Variants in MPP7 observed in about 807,000 individuals in gnomAD.
MPP7 encodes MAGUK p55 scaffold protein 7.
MPP7 carries 60 observed loss-of-function variants against 76.5 expected under a neutral mutation model. That is an observed-to-expected ratio of 0.78 (90% CI 0.64 to 0.97). The LOEUF is 0.97. Among genes scored for constraint, MPP7 ranks in the 50% least tolerant of loss-of-function variants. The probability of loss-of-function intolerance (pLI) is 0.00; values close to 1 mark genes in which losing one functional copy is unlikely to be tolerated. For missense variants in MPP7, 641 were observed against 694.0 expected (o/e 0.92, Z 0.86); for synonymous variants, 237 against 244.5 (o/e 0.97, Z 0.29).
At chr10:28,209,332 T>G (rs1016852004) in intron 2 of MPP7, among the ~76,000 whole-genome samples, 11 of 152,122 alleles carry the variant, frequency 7.2e-5, no homozygotes, top group African/African-American at 2.6e-4. Context: ...CTGAGCATAG[T>G]GGTGTGCACC....
At chr10:28,204,229 G>A (rs996422771) in intron 2 of MPP7, among the ~76,000 whole-genome samples, 1 of 152,056 alleles carries the variant, frequency 6.6e-6, no homozygotes, top group Non-Finnish European at 1.5e-5. Context: ...GATCACTTAA[G>A]GTCAGAAGTT....
rs1382099367 is a variant in MPP7, at chr10:28,053,790, G to T, written c.*275C>A. 2 of 377,594 alleles carry T rather than the reference G, an allele frequency of 5.3e-6. No individual in the cohort carries two copies. Among genetic ancestry groups the T allele is most frequent in the African/African-American group, 4.3e-5 (2 of 46,890 alleles). 23.4% of individuals were successfully genotyped at this position (377,594 alleles called of 1,614,324 possible). On this transcript the variant is annotated 3_prime_UTR_variant, in exon 17 of 17. Coordinates refer to ENST00000683449, the MANE Select transcript of MPP7 (RefSeq NM_001318170.2). ...TAGCTAAGTCTCTCTGAAAATTTCA[G>T]CCTCATCTTGGAGATAGAGCGGTAT... is the stretch of plus-strand genomic sequence containing the variant.
intron 1 of MPP7, among the ~76,000 whole-genome samples, chr10:28,248,193 A>G (rs945528192): frequency 1.6e-4 from 24 of 152,134 alleles, no homozygotes; most frequent in African/African-American, 4.6e-4. Flanking sequence ...AAACTCTCTT[A>G]GACTAACACA....
chr10:28,173,769 T>C (rs937670618), intron 3 of MPP7, among the ~76,000 whole-genome samples: 6 of 152,170 alleles, frequency 3.9e-5, no homozygotes, highest in Admixed American at 3.3e-4. Context: ...GCAAGATCTA[T>C]AAGAGAAAAT....
At position 28,052,675 on chromosome 10, in the gene MPP7, TA is replaced by T. The variant is rs573361180; in HGVS notation, c.*1389del. On this transcript the variant is annotated 3_prime_UTR_variant, in exon 17 of 17. Transcript: ENST00000683449. Reference sequence around the variant, plus strand: ...TTTATGAATAGCCCCGTTTGATATTTAAAAAAATATGCCTTTAAAATATTTC... The same window carrying T: ...TTTATGAATAGCCCCGTTTGATATTTAAAAAATATGCCTTTAAAATATTTC... 3.8e-3 allele frequency: 576 copies of T among 152,610 alleles called. 1 individual carries two copies. The highest frequency in any genetic ancestry group is 0.02 in the Middle Eastern group (6 of 294). The allele number at this position is 152,610 out of a possible 1,614,324, so 9.5% of individuals were successfully genotyped here.
intron 3 of MPP7, among the ~76,000 whole-genome samples, chr10:28,160,389 C>T (rs984514657): frequency 6.6e-6 from 1 of 152,170 alleles, no homozygotes; most frequent in East Asian, 1.9e-4. Context: ...TGGTGAAGAA[C>T]ATGACAACTC....
rs557561217 is a variant in MPP7 at position 28,229,615 on chromosome 10, C to T, written c.37+8953G>A. 1.9e-4 allele frequency among the ~76,000 whole-genome samples: 29 copies of T among 152,216 alleles called. No homozygotes were observed. The South Asian group carries it at 6.0e-3, about 32-fold the overall frequency. On this transcript the variant is annotated intron_variant, in intron 2 of 16. Coordinates refer to ENST00000683449, the MANE Select transcript of MPP7 (RefSeq NM_001318170.2). ...TATAAAACTGTGACAATGGGCCAGG[C>T]ACGGTGGCTCATGCCTGTAATCCCA...
intron 1 of MPP7, among the ~76,000 whole-genome samples, chr10:28,242,948 A>C (rs748012488): frequency 6.6e-6 from 1 of 152,190 alleles, no homozygotes; most frequent in Non-Finnish European, 1.5e-5. Flanking sequence ...CTTCTTTTTA[A>C]CATCCTGTGT....
At chr10:28,084,766 AT>A (rs1463932049) in intron 12 of MPP7, among the ~76,000 whole-genome samples, 1 of 152,206 alleles carries the variant, frequency 6.6e-6, no homozygotes, top group African/African-American at 2.4e-5. Flanking sequence ...ATGTGAACAA[AT>A]TTGAGAGGGA....
At chr10:28,110,090 C>T (rs112660201) in intron 11 of MPP7, among the ~76,000 whole-genome samples, 3,706 of 148,290 alleles carry the variant, frequency 0.025, 83 homozygotes, top group East Asian at 0.11. Flanking sequence ...CTTCTTTTTT[C>T]TTTTTTCTTT....
Position 28,124,974 on chromosome 10 carries a change from G to A in MPP7, c.529+36C>T. On this transcript the variant is annotated intron_variant, in intron 7 of 16. Coordinates refer to ENST00000683449, the MANE Select transcript of MPP7 (RefSeq NM_001318170.2). ...TGGAAATGCTACACACGAAACACGTGATTAGTCTGTACTTGGTTAACATTT... is the reference window on the plus strand; with the variant it reads ...TGGAAATGCTACACACGAAACACGTAATTAGTCTGTACTTGGTTAACATTT... The A allele has an allele frequency of 1.9e-6, 3 of 1,556,836 alleles. No individual in the cohort carries two copies. The South Asian group carries it at 3.3e-5, about 17-fold the overall frequency.
intron 2 of MPP7, among the ~76,000 whole-genome samples, chr10:28,235,768 G>A (rs976920227): frequency 1.3e-5 from 2 of 152,138 alleles, no homozygotes; most frequent in Non-Finnish European, 2.9e-5. Context: ...AGAAAAGATT[G>A]ATTTGACTAC....
chr10:28,092,740 A>ATTTTTTT (rs536385197), intron 11 of MPP7, among the ~76,000 whole-genome samples: 5,562 of 105,294 alleles, frequency 0.053, 526 homozygotes, highest in East Asian at 0.19. Context: ...ACCTGGCTCA[A>ATTTTTTT]TTTTTTTTTT....
chr10:28,265,289 T>C (rs2132980511), intron 1 of MPP7, among the ~76,000 whole-genome samples: 1 of 152,340 alleles, frequency 6.6e-6, no homozygotes, highest in South Asian at 2.1e-4. Context: ...CTGGGCATGG[T>C]GACTCAAGCT....
At chr10:28,245,512 A>T (rs578011352) in intron 1 of MPP7, among the ~76,000 whole-genome samples, 1 of 152,306 alleles carries the variant, frequency 6.6e-6, no homozygotes, top group African/African-American at 2.4e-5. Context: ...TTTTGAAATC[A>T]GACAGACCTA....
intron 2 of MPP7, among the ~76,000 whole-genome samples, chr10:28,204,822 A>G (rs931142426): frequency 1.3e-5 from 2 of 152,220 alleles, no homozygotes; most frequent in Non-Finnish European, 2.9e-5. Context: ...TTTCAATTCA[A>G]TGGTTCAAAG....
At chr10:28,212,502 T>C (rs1240474853) in intron 2 of MPP7, among the ~76,000 whole-genome samples, 1 of 152,072 alleles carries the variant, frequency 6.6e-6, no homozygotes, top group African/African-American at 2.4e-5. Flanking sequence ...GAATATGGGG[T>C]CAGCAGGTCA....
Position 28,191,913 on chromosome 10 carries a change from CAGG to C in MPP7, c.156+10237_156+10239del, listed in dbSNP as rs1296124850. 4.6e-5 allele frequency among the ~76,000 whole-genome samples: 7 copies of C among 152,242 alleles called. No individual in the cohort carries two copies. In the East Asian group the frequency reaches 1.4e-3, roughly 29 times the overall value. On this transcript the variant is annotated intron_variant, in intron 3 of 16. Coordinates refer to ENST00000683449, the MANE Select transcript of MPP7 (RefSeq NM_001318170.2). ...CCAAGGCAGGTGGATCACTTGAGAT[CAGG>C]AGTTCAAGACCAGCCTGACCAACAT... is the stretch of plus-strand genomic sequence containing the variant.
At chr10:28,117,474 T>A (rs1363524365) in intron 11 of MPP7, among the ~76,000 whole-genome samples, 1 of 152,138 alleles carries the variant, frequency 6.6e-6, no homozygotes, top group African/African-American at 2.4e-5. Flanking sequence ...GCTGTTTTTC[T>A]TCATGGCATT....
Sources: gnomAD v4.1 joint callset for allele counts (sites outside exome capture counted in the v4.1 genomes callset) on GRCh38, gnomAD v4.1.1 for gene constraint, MANE v1.5 for transcripts, NCBI Gene and HGNC (gene_info 2026-07-23, HGNC 2026-07-21) for gene names.